FAM167A: variants seen among roughly 807,000 people sequenced by gnomAD.
The protein encoded by FAM167A is protein FAM167A.
A neutral mutation model predicts 14.9 loss-of-function variants in FAM167A; 23 were observed. The observed-to-expected ratio is 1.55, with a 90% CI of 1.11 to 2.19. FAM167A has a LOEUF of 2.19. FAM167A is among the 30% of genes most tolerant of loss of function. The pLI is 0.00. For missense variants in FAM167A, 401 were observed against 281.5 expected, an observed-to-expected ratio of 1.42 and a Z score of -3.04; for synonymous variants, 174 against 117.7, an observed-to-expected ratio of 1.48 and a Z score of -3.10.
At chr8:11,434,558 C>G (rs555411586) in intron 2 of FAM167A, among the ~76,000 whole-genome samples, 1 of 152,140 alleles carries the variant, frequency 6.6e-6, no homozygotes, top group South Asian at 2.1e-4. Context: ...CGGGCCCTGC[C>G]GAGGACTCCA....
At chr8:11,449,900 G>C (rs1410320006) in intron 1 of FAM167A, among the ~76,000 whole-genome samples, 2 of 152,210 alleles carry the variant, frequency 1.3e-5, no homozygotes, top group African/African-American at 4.8e-5. Flanking sequence ...GACCTAATCT[G>C]TTCACCTGGA....
In FAM167A at chr8:11,456,556, G is replaced by T. The variant is rs559531505; in HGVS notation, c.-398+10070C>A. 1.4e-3 allele frequency among the ~76,000 whole-genome samples: 219 copies of T among 151,634 alleles called. 1 individual carries two copies. The highest frequency in any genetic ancestry group is 2.2e-3 in the Admixed American group (34 of 15,232). On this transcript the variant is annotated intron_variant, in intron 1 of 2. Coordinates refer to ENST00000284486, the MANE Select transcript of FAM167A (RefSeq NM_053279.3). ...GCTGGGTGTGTGAGTGTGAGTGTGG[G>T]GGGTGGTTGCATTGCTGGGTGGATG... is the stretch of plus-strand genomic sequence containing the variant.
intron 2 of FAM167A, among the ~76,000 whole-genome samples, chr8:11,434,602 C>A (rs544775529): frequency 6.6e-6 from 1 of 152,160 alleles, no homozygotes; most frequent in African/African-American, 2.4e-5. Context: ...TGTGATCAGG[C>A]CTTTAATTTT....
At chr8:11,436,511 C>A (rs1408151834) in intron 2 of FAM167A, among the ~76,000 whole-genome samples, 1 of 152,184 alleles carries the variant, frequency 6.6e-6, no homozygotes, top group Admixed American at 6.5e-5. Context: ...CTGGGCCAGT[C>A]GGCGGAGGGA....
In FAM167A at chr8:11,439,803, G is replaced by A. The variant is rs997484741; in HGVS notation, c.381+4228C>T. 2.0e-5 allele frequency among the ~76,000 whole-genome samples: 3 copies of A among 152,170 alleles called. No individual in the cohort carries two copies. The East Asian group carries it at 5.8e-4, about 29-fold the overall frequency. ...TATTGCCCCTTTTCTCTGTCTTCCAGGTTGGCAAGGGGAACTTGTGGGTGT... is the reference window on the plus strand; with the variant it reads ...TATTGCCCCTTTTCTCTGTCTTCCAAGTTGGCAAGGGGAACTTGTGGGTGT... On this transcript the variant is annotated intron_variant, in intron 2 of 2. Transcript: ENST00000284486.
upstream of FAM167A, among the ~76,000 whole-genome samples, chr8:11,470,084 TAATC>T (rs1410553697): frequency 2.0e-5 from 3 of 152,182 alleles, no homozygotes; most frequent in Non-Finnish European, 4.4e-5. Flanking sequence ...TGAGAACTGA[TAATC>T]TAGCAGAGGA....
intron 1 of FAM167A, among the ~76,000 whole-genome samples, chr8:11,459,948 G>C (rs1325194616): frequency 6.6e-6 from 1 of 152,184 alleles, no homozygotes; most frequent in East Asian, 1.9e-4. Flanking sequence ...GGCTGGTCTT[G>C]AACTCCTGAC....
intron 1 of FAM167A, among the ~76,000 whole-genome samples, chr8:11,463,863 C>T (rs1266820305): frequency 1.3e-5 from 2 of 152,170 alleles, no homozygotes; most frequent in Non-Finnish European, 2.9e-5. Context: ...GGAAATTCCT[C>T]AGTGAAGAGA....
At chr8:11,455,638 T>TGTGA (rs1807220636) in intron 1 of FAM167A, among the ~76,000 whole-genome samples, 2 of 135,922 alleles carry the variant, frequency 1.5e-5, no homozygotes, top group Non-Finnish European at 3.1e-5. Context: ...CTCTGCTGGG[T>TGTGA]GTGAGTGTTG....
At position 11,424,607 on chromosome 8, in the gene FAM167A, C is replaced by T. The variant is rs940693820; in HGVS notation, c.411G>A (p.Leu137=). The T allele has an allele frequency of 9.3e-6, 15 of 1,613,880 alleles. No individual in the cohort carries two copies. The highest frequency in any genetic ancestry group is 1.7e-5 in the Admixed American group (1 of 60,004). ...LTEMRLQDQQ[L]ARQLMRLRGD... ...CACGCAGGCGCATGAGCTGTCTGGCCAGTTGCTGGTCCTGCAGCCGCATCT... is the reference window on the plus strand; with the variant it reads ...CACGCAGGCGCATGAGCTGTCTGGCTAGTTGCTGGTCCTGCAGCCGCATCT... The change falls in exon 3 of 3, where the codon CTG becomes CTA. Residue 137 remains leucine (L), a synonymous_variant. Coordinates refer to ENST00000284486, the MANE Select transcript of FAM167A (RefSeq NM_053279.3).
chr8:11,442,036 T>C (rs768236115), intron 2 of FAM167A, among the ~76,000 whole-genome samples: 1 of 152,230 alleles, frequency 6.6e-6, no homozygotes. Context: ...GCACTTTTAA[T>C]AATGCTAATA....
chr8:11,445,400 C>G, intron 1 of FAM167A: 1 of 985,676 alleles, frequency 1.0e-6, no homozygotes, highest in Non-Finnish European at 1.2e-6. Flanking sequence ...TAGCTTCTTC[C>G]TCCAAGAACA....
upstream of FAM167A, among the ~76,000 whole-genome samples, chr8:11,472,202 A>T (rs538000548): frequency 6.6e-6 from 1 of 152,280 alleles, no homozygotes; most frequent in African/African-American, 2.4e-5. Context: ...GGAGCAGATT[A>T]CGCAGCACAC....
chr8:11,444,416 C>A lies in FAM167A; in HGVS notation c.-5G>T, dbSNP rs536428989. The A allele has an allele frequency of 1.3e-6, 2 of 1,531,450 alleles. No individual in the cohort carries two copies. The highest frequency in any genetic ancestry group is 2.5e-5 in the South Asian group (2 of 79,380). 94.9% of individuals were successfully genotyped at this position (1,531,450 alleles called of 1,614,324 possible). The stretch of plus-strand genomic sequence containing the variant: ...GTGGATCTGGGGCACAGACATTCTA[C>A]AGTCTGCCCTGGCAGCCGGACATGC... On this transcript the variant is annotated 5_prime_UTR_variant, in exon 2 of 3. Coordinates refer to ENST00000284486, the MANE Select transcript of FAM167A (RefSeq NM_053279.3).
chr8:11,448,011 T>C (rs1030638747), intron 1 of FAM167A, among the ~76,000 whole-genome samples: 25 of 151,866 alleles, frequency 1.6e-4, no homozygotes, highest in African/African-American at 2.4e-4. Context: ...CTGACCAACA[T>C]AGTGAAACCC....
chr8:11,421,932 C>G lies in FAM167A; in HGVS notation c.*2441G>C. On this transcript the variant is annotated 3_prime_UTR_variant, in exon 3 of 3. Coordinates refer to ENST00000284486, the MANE Select transcript of FAM167A (RefSeq NM_053279.3). ...GAATTAATGTGGTTAGTTGTGTTCA[C>G]TGTGCAAAGTAAGGAAGCCAGTCAA... 2.5e-6 allele frequency: 1 copy of G among 398,130 alleles called. No individual in the cohort carries two copies. The highest frequency in any genetic ancestry group is 4.4e-6 in the Non-Finnish European group (1 of 225,978). 24.7% of individuals were successfully genotyped at this position (398,130 alleles called of 1,614,324 possible). A position where few individuals can be genotyped will look rare whatever the true frequency, so the allele number is the denominator to read the frequency against.
intron 2 of FAM167A, among the ~76,000 whole-genome samples, chr8:11,431,864 C>A (rs1043314374): frequency 3.9e-5 from 5 of 126,594 alleles, no homozygotes; most frequent in African/African-American, 1.6e-4. Flanking sequence ...GAGATGGGGG[C>A]CACAGAAGGA....
At chr8:11,468,690 G>A (rs1043273850), upstream of FAM167A, among the ~76,000 whole-genome samples, 3 of 152,202 alleles carry the variant, frequency 2.0e-5, no homozygotes, top group Non-Finnish European at 2.9e-5. Flanking sequence ...AGATCTTTTT[G>A]GATGGGCCAT....
At chr8:11,465,110 G>C (rs772349245) in intron 1 of FAM167A, among the ~76,000 whole-genome samples, 2 of 152,146 alleles carry the variant, frequency 1.3e-5, no homozygotes, top group Non-Finnish European at 2.9e-5. Context: ...GGCCGGCCAG[G>C]CCCAACAACA....
Sources: gnomAD v4.1 joint callset for allele counts (sites outside exome capture counted in the v4.1 genomes callset) on GRCh38, gnomAD v4.1.1 for gene constraint, MANE v1.5 for transcripts, NCBI Gene and HGNC (gene_info 2026-07-23, HGNC 2026-07-21) for gene names.